VAV3: variants seen among roughly 807,000 people sequenced by gnomAD.
VAV3 encodes the protein vav guanine nucleotide exchange factor 3.
A neutral mutation model predicts 131.2 loss-of-function variants in VAV3; 94 were observed. The observed-to-expected ratio is 0.72, with a 90% confidence interval of 0.61 to 0.85. The LOEUF (loss-of-function observed/expected upper bound fraction) is 0.85, where lower values mean the gene tolerates loss of function less well. VAV3 is among the 40% of genes least tolerant of loss of function. The probability of loss-of-function intolerance (pLI) is 0.00; values close to 1 mark genes in which losing one functional copy is unlikely to be tolerated. For synonymous variants in VAV3, 349 were observed against 342.0 expected, an observed-to-expected ratio of 1.02 and a Z score of -0.22; for missense variants, 939 against 1,002.7, an observed-to-expected ratio of 0.94 and a Z score of 0.86.
chr1:107,591,958 T>C (rs1650989116), intron 25 of VAV3, among the ~76,000 whole-genome samples: 1 of 152,118 alleles, frequency 6.6e-6, no homozygotes, highest in Non-Finnish European at 1.5e-5. Context: ...ATTCAAAATT[T>C]GCCAATTGTA....
chr1:107,802,527 C>T lies in VAV3; in HGVS notation c.322-23035G>A, dbSNP rs567997815. ...GGAATTATGTTCCTTCTATTCTTAA[C>T]GTTTGTTGAGGATTTTTATCATAAA... On this transcript the variant is annotated intron_variant, in intron 2 of 26. Coordinates refer to ENST00000370056, the MANE Select transcript of VAV3 (RefSeq NM_006113.5). Among the ~76,000 whole-genome samples, 117 of 152,026 alleles carry T rather than the reference C, an allele frequency of 7.7e-4. 1 individual carries two copies. Among genetic ancestry groups the T allele is most frequent in the African/African-American group, 2.7e-3 (112 of 41,520 alleles).
At chr1:107,840,921 TA>T (rs55688733) in intron 2 of VAV3, among the ~76,000 whole-genome samples, 32,172 of 146,478 alleles carry the variant, frequency 0.22, 3,575 homozygotes, top group Middle Eastern at 0.29. Context: ...GAGATGCTTT[TA>T]AAAAAAAAAA....
At chr1:107,711,976 G>A (rs538031648) in intron 15 of VAV3, among the ~76,000 whole-genome samples, 42 of 152,142 alleles carry the variant, frequency 2.8e-4, no homozygotes, top group Non-Finnish European at 5.1e-4. Flanking sequence ...GTGAGCCACC[G>A]TGCCCGACAA....
intron 2 of VAV3, among the ~76,000 whole-genome samples, chr1:107,802,549 T>C (rs755284197): frequency 1.3e-5 from 2 of 152,188 alleles, no homozygotes; most frequent in African/African-American, 4.8e-5. Flanking sequence ...ATTTTTATCA[T>C]AAAGTGATGT....
chr1:107,921,184 C>T (rs1165791467), intron 1 of VAV3, among the ~76,000 whole-genome samples: 3 of 152,198 alleles, frequency 2.0e-5, no homozygotes, highest in South Asian at 4.1e-4. Flanking sequence ...GCTCTCTCAT[C>T]GCTTGCTGCA....
intron 1 of VAV3, among the ~76,000 whole-genome samples, chr1:107,954,770 G>T (rs1017303710): frequency 1.5e-5 from 2 of 133,038 alleles, no homozygotes; most frequent in African/African-American, 3.6e-5. Context: ...ACCATGGGAG[G>T]GGGGGAAATT....
chr1:107,804,061 C>T (rs1666949827), intron 2 of VAV3, among the ~76,000 whole-genome samples: 2 of 151,918 alleles, frequency 1.3e-5, no homozygotes, highest in Non-Finnish European at 2.9e-5. Context: ...TAATTATTCC[C>T]CCCATTTTTT....
At chr1:107,610,608 T>C (rs1484503203) in intron 21 of VAV3, among the ~76,000 whole-genome samples, 6 of 152,130 alleles carry the variant, frequency 3.9e-5, no homozygotes. Flanking sequence ...AAAAAAGGCA[T>C]GGAAAATACT....
At chr1:107,641,743 C>A (rs1419803822) in intron 20 of VAV3, among the ~76,000 whole-genome samples, 1 of 151,918 alleles carries the variant, frequency 6.6e-6, no homozygotes, top group Non-Finnish European at 1.5e-5. Flanking sequence ...AGGTAGTTCC[C>A]CTGAAGTGAA....
At chr1:107,798,545 T>C (rs35827755) in intron 2 of VAV3, among the ~76,000 whole-genome samples, 15,298 of 151,490 alleles carry the variant, frequency 0.1, 888 homozygotes, top group Non-Finnish European at 0.13. Context: ...AGTGTAAACC[T>C]CATCTCTACT....
intron 2 of VAV3, among the ~76,000 whole-genome samples, chr1:107,837,108 A>C (rs1448812010): frequency 6.6e-6 from 1 of 152,088 alleles, no homozygotes; most frequent in African/African-American, 2.4e-5. Flanking sequence ...TGGGCAAAAA[A>C]AAACAAAACG....
chr1:107,796,436 G>A (rs544662580), intron 2 of VAV3, among the ~76,000 whole-genome samples: 1 of 152,180 alleles, frequency 6.6e-6, no homozygotes, highest in East Asian at 1.9e-4. Flanking sequence ...CATGTATACT[G>A]GGGCCAATGT....
At chr1:107,889,664 T>G (rs748285765) in intron 1 of VAV3, among the ~76,000 whole-genome samples, 1 of 152,076 alleles carries the variant, frequency 6.6e-6, no homozygotes, top group Non-Finnish European at 1.5e-5. Flanking sequence ...CTTACAAGAG[T>G]AGAGTGGCAA....
At chr1:107,730,157 T>C (rs914368727) in intron 15 of VAV3, among the ~76,000 whole-genome samples, 1 of 152,162 alleles carries the variant, frequency 6.6e-6, no homozygotes, top group Admixed American at 6.5e-5. Flanking sequence ...CACTTCAAAT[T>C]TGGTTCTCCC....
intron 5 of VAV3, among the ~76,000 whole-genome samples, chr1:107,771,740 A>G (rs1288772966): frequency 6.6e-6 from 1 of 152,190 alleles, no homozygotes; most frequent in Non-Finnish European, 1.5e-5. Flanking sequence ...ATCACTGTTC[A>G]CCCCATCAGC....
intron 2 of VAV3, among the ~76,000 whole-genome samples, chr1:107,835,249 C>G (rs1668420915): frequency 6.6e-6 from 1 of 152,292 alleles, no homozygotes; most frequent in Non-Finnish European, 1.5e-5. Flanking sequence ...GCCTCAGTGC[C>G]TTGCCATGGC....
chr1:107,726,182 T>C (rs1661827479), intron 15 of VAV3, among the ~76,000 whole-genome samples: 1 of 152,160 alleles, frequency 6.6e-6, no homozygotes, highest in African/African-American at 2.4e-5. Context: ...TGCAAAGCAC[T>C]TTTGGTTCAG....
chr1:107,735,120 A>G (rs1002765412), intron 15 of VAV3, among the ~76,000 whole-genome samples: 1 of 151,994 alleles, frequency 6.6e-6, no homozygotes, highest in African/African-American at 2.4e-5. Flanking sequence ...GGGTAAATTA[A>G]AAACTGAAGG....
intron 25 of VAV3, 35 bp from the exon 26 acceptor site, chr1:107,574,233 G>T: frequency 6.2e-7 from 1 of 1,603,672 alleles, no homozygotes. Context: ...CAGTAGGTTT[G>T]CAGTTCGTTA....
Sources: allele counts gnomAD v4.1 joint callset (sites outside exome capture counted in the v4.1 genomes callset), GRCh38; gene constraint gnomAD v4.1.1; transcripts MANE v1.5; gene names NCBI Gene and HGNC (gene_info 2026-07-23, HGNC 2026-07-21).